The following LHPP variants were observed in gnomAD, a reference collection of about 807,000 sequenced individuals.
LHPP encodes phospholysine phosphohistidine inorganic pyrophosphate phosphatase.
LHPP carries 24 observed loss-of-function variants against 30.3 expected under a neutral mutation model. The ratio of observed to expected loss-of-function variants is 0.79; its 90% CI spans 0.57 to 1.11. The LOEUF (loss-of-function observed/expected upper bound fraction) is 1.11, where lower values mean the gene tolerates loss of function less well. Among genes scored for constraint, LHPP ranks in the 50% most tolerant of loss-of-function variants. The probability of loss-of-function intolerance (pLI) is 0.00; values close to 1 mark genes in which losing one functional copy is unlikely to be tolerated. For missense variants in LHPP, 356 were observed against 367.2 expected (o/e 0.97, Z 0.25); for synonymous variants, 150 against 157.1 (o/e 0.95, Z 0.34).
chr10:124,474,672 T>C (rs987303868), intron 1 of LHPP, among the ~76,000 whole-genome samples: 2 of 151,668 alleles, frequency 1.3e-5, no homozygotes, highest in African/African-American at 2.4e-5. Context: ...AAACCACAGG[T>C]CCCATCTGTA....
At chr10:124,471,715 A>C in intron 1 of LHPP, among the ~76,000 whole-genome samples, 1 of 19,126 alleles carries the variant, frequency 5.2e-5, no homozygotes, top group East Asian at 4.2e-3. Flanking sequence ...ATATTTGTAT[A>C]TATATTTATG....
intron 1 of LHPP, among the ~76,000 whole-genome samples, chr10:124,483,662 C>T (rs1256811771): frequency 6.6e-6 from 1 of 152,136 alleles, no homozygotes; most frequent in African/African-American, 2.4e-5. Flanking sequence ...GAGGCTGAGG[C>T]AGGAGAATCG....
At chr10:124,556,361 C>T (rs1043556205) in intron 6 of LHPP, among the ~76,000 whole-genome samples, 2 of 152,214 alleles carry the variant, frequency 1.3e-5, no homozygotes, top group East Asian at 3.8e-4. Flanking sequence ...TCTCCGGGGC[C>T]ATCGTTTTAA....
chr10:124,535,821 A>C (rs1356768429), intron 6 of LHPP, among the ~76,000 whole-genome samples: 1 of 152,234 alleles, frequency 6.6e-6, no homozygotes, highest in African/African-American at 2.4e-5. Context: ...GAATCAGCTC[A>C]GTGCCACAGG....
chr10:124,556,080 A>G (rs1049337697), intron 6 of LHPP, among the ~76,000 whole-genome samples: 5 of 151,832 alleles, frequency 3.3e-5, no homozygotes, highest in Non-Finnish European at 7.3e-5. Context: ...CAGAGGTGGT[A>G]TTCAAATTCA....
rs568841909 is a variant in LHPP at position 124,467,710 on chromosome 10, T to G, written c.125+5723T>G. On this transcript the variant is annotated intron_variant, in intron 1 of 6. Coordinates refer to ENST00000368842, the MANE Select transcript of LHPP (RefSeq NM_022126.4). ...TTTTCTTTTGTGTGTGTGTGTGTTT[T>G]TTGTTGTTGTTGTTGTTGTTGTTTT... 2.7e-3 allele frequency among the ~76,000 whole-genome samples: 397 copies of G among 149,042 alleles called. 1 individual carries two copies. The highest frequency in any genetic ancestry group is 9.0e-3 in the African/African-American group (363 of 40,244).
intron 2 of LHPP, among the ~76,000 whole-genome samples, chr10:124,486,599 C>A (rs565779626): frequency 1.3e-5 from 2 of 152,256 alleles, no homozygotes; most frequent in African/African-American, 4.8e-5. Flanking sequence ...ATTCTCCCAG[C>A]GATGATGTGT....
At chr10:124,550,302 G>A (rs1244837599) in intron 6 of LHPP, among the ~76,000 whole-genome samples, 1 of 152,230 alleles carries the variant, frequency 6.6e-6, no homozygotes, top group African/African-American at 2.4e-5. Context: ...CCCCCGTCTT[G>A]GTTGTTGAGC....
At chr10:124,522,361 C>T (rs1224630354) in intron 6 of LHPP, among the ~76,000 whole-genome samples, 4 of 152,208 alleles carry the variant, frequency 2.6e-5, no homozygotes, top group Admixed American at 6.5e-5. Flanking sequence ...CCAGCCACAG[C>T]GTTCCTGCTG....
At chr10:124,555,896 A>G (rs965753734) in intron 6 of LHPP, among the ~76,000 whole-genome samples, 3 of 152,154 alleles carry the variant, frequency 2.0e-5, no homozygotes, top group African/African-American at 7.2e-5. Flanking sequence ...TCCTCAGGCC[A>G]TATTCCCCCT....
At chr10:124,564,031 C>T (rs1407059405) in intron 6 of LHPP, among the ~76,000 whole-genome samples, 5 of 151,974 alleles carry the variant, frequency 3.3e-5, no homozygotes, top group African/African-American at 4.8e-5. Context: ...ACTGCAACTT[C>T]GAACTCCTGG....
rs148122699 is a variant in LHPP, at chr10:124,592,447, C to A, written c.717-20817C>A. On this transcript the variant is annotated intron_variant, in intron 6 of 6. Coordinates refer to ENST00000368842, the MANE Select transcript of LHPP (RefSeq NM_022126.4). The surrounding 1 kb of genome is among the most constrained non-coding windows in gnomAD (Gnocchi z 6.2). Reference sequence around the variant, plus strand: ...CATGATGAGACCCTGAGGTCACTGGCGGGGAAAATGAGTCACTGGGGCATT... The same window carrying A: ...CATGATGAGACCCTGAGGTCACTGGAGGGGAAAATGAGTCACTGGGGCATT... Among the ~76,000 whole-genome samples the A allele has an allele frequency of 1.3e-5, 2 of 152,176 alleles. No homozygotes were observed. Among genetic ancestry groups the A allele is most frequent in the Non-Finnish European group, 2.9e-5 (2 of 68,022 alleles).
intron 1 of LHPP, among the ~76,000 whole-genome samples, chr10:124,473,497 C>T (rs1411430716): frequency 2.0e-5 from 3 of 151,970 alleles, no homozygotes; most frequent in Admixed American, 6.6e-5. Context: ...AGTGTGAGAG[C>T]GTGGGTTTCC....
At chr10:124,589,555 G>A (rs1373984690) in intron 6 of LHPP, among the ~76,000 whole-genome samples, 1 of 152,214 alleles carries the variant, frequency 6.6e-6, no homozygotes, top group Admixed American at 6.5e-5. Context: ...TGAGCCGGGA[G>A]GAGCAGGACT....
intron 6 of LHPP, among the ~76,000 whole-genome samples, chr10:124,548,966 C>T (rs558075174): frequency 6.6e-6 from 1 of 152,356 alleles, no homozygotes; most frequent in African/African-American, 2.4e-5. Context: ...GCCAGCGGGA[C>T]ATTCCACTGT....
At chr10:124,487,763 G>A (rs1953383674) in intron 2 of LHPP, among the ~76,000 whole-genome samples, 1 of 152,042 alleles carries the variant, frequency 6.6e-6, no homozygotes, top group Non-Finnish European at 1.5e-5. Flanking sequence ...TTTCAATTTA[G>A]AAAGGTCAAC....
intron 5 of LHPP, among the ~76,000 whole-genome samples, chr10:124,507,699 T>G (rs867080842): frequency 1.2e-4 from 2 of 17,368 alleles, no homozygotes; most frequent in Non-Finnish European, 1.7e-4. Context: ...ATTTCAGGTG[T>G]GGAGGGTAGA....
Position 124,592,539 on chromosome 10 carries a change from C to G in LHPP, c.717-20725C>G, listed in dbSNP as rs1489650053. 6.6e-6 allele frequency among the ~76,000 whole-genome samples: 1 copy of G among 152,186 alleles called. No individual in the cohort carries two copies. The highest frequency in any genetic ancestry group is 1.9e-4 in the East Asian group (1 of 5,186). On this transcript the variant is annotated intron_variant, in intron 6 of 6. Transcript: ENST00000368842. This position sits in a 1 kb window ranked among gnomAD's most constrained non-coding sequence, Gnocchi z 6.2. ...TAAATTGCTGCCAAGTTCCCGATTTCCCTTCCAGTCCTCAGTTTCCCCTTC... is the reference window on the plus strand; with the variant it reads ...TAAATTGCTGCCAAGTTCCCGATTTGCCTTCCAGTCCTCAGTTTCCCCTTC...
At chr10:124,579,301 C>A (rs1479994657) in intron 6 of LHPP, among the ~76,000 whole-genome samples, 1 of 152,260 alleles carries the variant, frequency 6.6e-6, no homozygotes, top group Non-Finnish European at 1.5e-5. Flanking sequence ...GCAGAAGAAT[C>A]ACAGCACTGA....
Sources: gnomAD v4.1 joint callset for allele counts (sites outside exome capture counted in the v4.1 genomes callset) on GRCh38, gnomAD v4.1.1 for gene constraint, Gnocchi (gnomAD v3.1) non-coding constraint, MANE v1.5 for transcripts, NCBI Gene and HGNC (gene_info 2026-07-23, HGNC 2026-07-21) for gene names.